The following ABI2 variants were observed in gnomAD, a reference collection of about 807,000 sequenced individuals.
The protein encoded by ABI2 is abelson interactor 2.
A neutral mutation model predicts 59.2 loss-of-function variants in ABI2; 25 were observed. The observed-to-expected ratio is 0.42, with a 90% confidence interval of 0.31 to 0.59. The LOEUF is 0.59. ABI2 is among the 20% of genes least tolerant of loss of function. The pLI is 0.14. For synonymous variants in ABI2, 213 were observed against 235.5 expected (o/e 0.90, Z 0.87); for missense variants, 545 against 681.8 (o/e 0.80, Z 2.23).
intron 10 of ABI2, 107 bp from the exon 11 acceptor site, chr2:203,416,801 A>G (rs2097911952): frequency 8.4e-7 from 1 of 1,184,018 alleles, no homozygotes; most frequent in Non-Finnish European, 1.2e-6. Flanking sequence ...GGAATATTAC[A>G]TTTATTTTCA....
intron 8 of ABI2, among the ~76,000 whole-genome samples, chr2:203,401,336 A>G (rs2097211177): frequency 6.8e-6 from 1 of 146,982 alleles, no homozygotes; most frequent in Non-Finnish European, 1.5e-5. Flanking sequence ...TTTCTTCTCC[A>G]CCTGCTTATT....
chr2:203,398,930 C>T (rs1050131374), intron 8 of ABI2, among the ~76,000 whole-genome samples: 9 of 152,104 alleles, frequency 5.9e-5, no homozygotes, highest in Non-Finnish European at 1.5e-5. Flanking sequence ...GGATGTACCA[C>T]AATTTGTTTA....
chr2:203,370,932 A>G (rs2095117059), intron 2 of ABI2, among the ~76,000 whole-genome samples: 1 of 152,160 alleles, frequency 6.6e-6, no homozygotes. Context: ...TAAGAACTTT[A>G]CCACCTTTCA....
intron 2 of ABI2, among the ~76,000 whole-genome samples, chr2:203,376,517 T>A (rs1328519999): frequency 2.0e-5 from 3 of 152,236 alleles, no homozygotes; most frequent in African/African-American, 7.2e-5. Context: ...TTACTGAGAT[T>A]TGATATAAAA....
At chr2:203,375,670 G>A (rs775090958) in intron 2 of ABI2, among the ~76,000 whole-genome samples, 3 of 152,150 alleles carry the variant, frequency 2.0e-5, no homozygotes, top group Non-Finnish European at 4.4e-5. Context: ...AATTGTCTAC[G>A]AATTTATGAA....
At position 203,431,256 on chromosome 2, in the gene ABI2, G is replaced by T. The variant is rs1387005800; in HGVS notation, c.*3904G>T. 7 of 152,546 alleles carry T rather than the reference G, an allele frequency of 4.6e-5. No individual in the cohort carries two copies. The highest frequency in any genetic ancestry group is 4.6e-4 in the Admixed American group (7 of 15,272). 9.4% of individuals were successfully genotyped at this position (152,546 alleles called of 1,614,324 possible). A position where few individuals can be genotyped will look rare whatever the true frequency, so the allele number is the denominator to read the frequency against. ...GTGAGTTTTCTTCTTCATATGAACA[G>T]CTAGTTAATAACAGCAGAGTTCTCA... On this transcript the variant is annotated 3_prime_UTR_variant, in exon 12 of 12. Transcript: ENST00000261018.
chr2:203,339,354 C>G (rs2078507617), intron 1 of ABI2, among the ~76,000 whole-genome samples: 1 of 151,612 alleles, frequency 6.6e-6, no homozygotes, highest in Admixed American at 6.6e-5. Flanking sequence ...CCGAGGCAGG[C>G]AGATTACCTG....
At chr2:203,344,431 T>A (rs1457563746) in intron 1 of ABI2, among the ~76,000 whole-genome samples, 1 of 152,030 alleles carries the variant, frequency 6.6e-6, no homozygotes, top group East Asian at 1.9e-4. Flanking sequence ...AGGGGCGTGA[T>A]CATGTCTCAC....
At position 203,427,298 on chromosome 2, in the gene ABI2, G is replaced by C. The variant is rs1581199018; in HGVS notation, c.1575G>C (p.Val525=). 1 of 1,614,022 alleles carries C rather than the reference G, an allele frequency of 6.2e-7. No individual in the cohort carries two copies. Among genetic ancestry groups the C allele is most frequent in the Non-Finnish European group, 8.5e-7 (1 of 1,180,014 alleles). The change falls in exon 12 of 12, where the codon GTG becomes GTC. Residue 525 remains valine (V), a synonymous_variant. Transcript: ENST00000261018. ...DGWYEGVMNG[V]TGLFPGNYVE... is the part of the protein sequence containing the mutation. ...GGTATGAGGGAGTTATGAATGGAGT[G>C]ACTGGGCTTTTTCCTGGGAATTACG...
intron 1 of ABI2, among the ~76,000 whole-genome samples, chr2:203,333,786 G>C (rs1207442382): frequency 2.6e-5 from 4 of 152,048 alleles, no homozygotes; most frequent in Non-Finnish European, 4.4e-5. Flanking sequence ...TCTTGTCCAA[G>C]GAACTTAAGT....
chr2:203,427,238 C>T lies in ABI2; in HGVS notation c.1515C>T (p.Ala505=), dbSNP rs1368460506. The change falls in exon 12 of 12, where the codon GCC becomes GCT. Residue 505 remains alanine (A), a synonymous_variant. Coordinates refer to ENST00000261018, the MANE Select transcript of ABI2 (RefSeq NM_001375670.1). ...ATGAGCTGTCCTTTCAGGAAGGAGC[C>T]ATTATTTATGTCATCAAGAAGAATG... The part of the protein sequence containing the change: ...KEDELSFQEG[A]IIYVIKKNDD... The T allele has an allele frequency of 6.2e-7, 1 of 1,613,888 alleles. No homozygotes were observed. The highest frequency in any genetic ancestry group is 1.7e-5 in the Admixed American group (1 of 60,006).
At chr2:203,360,536 A>G (rs1469851084) in intron 1 of ABI2, among the ~76,000 whole-genome samples, 1 of 152,194 alleles carries the variant, frequency 6.6e-6, no homozygotes, top group Non-Finnish European at 1.5e-5. Flanking sequence ...CAGTGTAAGT[A>G]GTGGAGGACA....
At chr2:203,365,481 C>G (rs2094285037) in intron 1 of ABI2, among the ~76,000 whole-genome samples, 1 of 152,012 alleles carries the variant, frequency 6.6e-6, no homozygotes, top group African/African-American at 2.4e-5. Context: ...ACAAATGTAG[C>G]AGAACTTGTA....
chr2:203,373,549 G>A, intron 2 of ABI2, among the ~76,000 whole-genome samples: 1 of 152,096 alleles, frequency 6.6e-6, no homozygotes, highest in Non-Finnish European at 1.5e-5. Context: ...TTTTCTAAGC[G>A]AGGCCCATCT....
rs143449792 is a variant in ABI2, at chr2:203,378,401, A to G, written c.286-1807A>G. Among the ~76,000 whole-genome samples the G allele has an allele frequency of 4.5e-3, 686 of 152,262 alleles. 4 individuals carry two copies. Among genetic ancestry groups the G allele is most frequent in the South Asian group, 0.035 (167 of 4,816 alleles). ...GCTGGGATTATAGGCGTGAGCCACC[A>G]TGCCTGGCTGAGATTGTTTTTTTCT... On this transcript the variant is annotated intron_variant, in intron 2 of 11. Transcript: ENST00000261018.
intron 11 of ABI2, among the ~76,000 whole-genome samples, chr2:203,424,669 G>A (rs938777880): frequency 3.3e-5 from 5 of 152,160 alleles, no homozygotes; most frequent in African/African-American, 1.2e-4. Flanking sequence ...AAAGTTCTGG[G>A]ATTATAGGTG....
intron 8 of ABI2, 126 bp from the exon 9 acceptor site, chr2:203,402,450 A>G (rs2097263214): frequency 2.9e-6 from 2 of 684,706 alleles, no homozygotes; most frequent in African/African-American, 1.9e-5. Flanking sequence ...TGCATTGTAT[A>G]TTTCAGATAC....
intron 1 of ABI2, among the ~76,000 whole-genome samples, chr2:203,336,902 C>T (rs2076713435): frequency 2.0e-5 from 3 of 152,146 alleles, no homozygotes; most frequent in Admixed American, 6.6e-5. Context: ...TACCGTTTTG[C>T]GTTCCCACCA....
At chr2:203,423,467 T>C (rs1030924367) in intron 11 of ABI2, among the ~76,000 whole-genome samples, 2 of 152,162 alleles carry the variant, frequency 1.3e-5, no homozygotes, top group Non-Finnish European at 2.9e-5. Context: ...GCTCTGTCGC[T>C]CAGGCTAGAG....
Sources: allele counts gnomAD v4.1 joint callset (sites outside exome capture counted in the v4.1 genomes callset), GRCh38; gene constraint gnomAD v4.1.1; transcripts MANE v1.5; gene names NCBI Gene and HGNC (gene_info 2026-07-23, HGNC 2026-07-21).